The following MACROH2A2 variants were observed in gnomAD, a reference collection of about 807,000 sequenced individuals.
The protein encoded by MACROH2A2 is core histone macro-H2A.2.
A neutral mutation model predicts 37.6 loss-of-function variants in MACROH2A2; 6 were observed. The ratio of observed to expected loss-of-function variants is 0.16; its 90% CI spans 0.09 to 0.32. The LOEUF (loss-of-function observed/expected upper bound fraction) is 0.32, where lower values mean the gene tolerates loss of function less well. Ranked by LOEUF, MACROH2A2 falls within the 10% of genes least tolerant of loss-of-function variation. The pLI, the probability that MACROH2A2 is intolerant of heterozygous loss-of-function variation, is 1.00. For missense variants in MACROH2A2, 290 were observed against 485.9 expected, an observed-to-expected ratio of 0.60 and a Z score of 3.79; for synonymous variants, 192 against 202.7, an observed-to-expected ratio of 0.95 and a Z score of 0.45.
At chr10:70,083,850 G>C (rs567244575) in intron 2 of MACROH2A2, among the ~76,000 whole-genome samples, 2 of 150,558 alleles carry the variant, frequency 1.3e-5, no homozygotes, top group African/African-American at 4.9e-5. Context: ...TCAGTTTCTT[G>C]ATCTGTGGAA....
intron 4 of MACROH2A2, among the ~76,000 whole-genome samples, chr10:70,092,631 A>G (rs2072252336): frequency 6.6e-6 from 1 of 152,178 alleles, no homozygotes; most frequent in Admixed American, 6.5e-5. Context: ...AGAAAATGAC[A>G]AGAATGTACA....
intron 1 of MACROH2A2, among the ~76,000 whole-genome samples, chr10:70,055,953 A>G (rs577670375): frequency 2.0e-5 from 3 of 152,368 alleles, no homozygotes; most frequent in African/African-American, 7.2e-5. Flanking sequence ...GTTCAAAAGA[A>G]TGAAGCAGAT....
At chr10:70,067,956 T>A (rs754219914) in intron 1 of MACROH2A2, among the ~76,000 whole-genome samples, 14 of 152,070 alleles carry the variant, frequency 9.2e-5, no homozygotes, top group African/African-American at 1.7e-4. Flanking sequence ...AAAATGAAAA[T>A]AGATCAAGAA....
At chr10:70,104,038 C>G (rs1257946480) in intron 7 of MACROH2A2, among the ~76,000 whole-genome samples, 1 of 152,150 alleles carries the variant, frequency 6.6e-6, no homozygotes, top group African/African-American at 2.4e-5. Context: ...CAATTTTGAG[C>G]TAAGACATTG....
intron 1 of MACROH2A2, among the ~76,000 whole-genome samples, chr10:70,069,080 G>A (rs573598447): frequency 1.7e-4 from 26 of 152,324 alleles, no homozygotes; most frequent in South Asian, 1.7e-3. Context: ...GTAGTTATTT[G>A]AATAGTCTGG....
At chr10:70,064,035 T>C (rs2072064456) in intron 1 of MACROH2A2, among the ~76,000 whole-genome samples, 1 of 152,210 alleles carries the variant, frequency 6.6e-6, no homozygotes, top group Non-Finnish European at 1.5e-5. Context: ...TGTTTAGCCC[T>C]TAAGCTAACA....
At chr10:70,073,001 AT>A (rs2072119260) in intron 1 of MACROH2A2, among the ~76,000 whole-genome samples, 1 of 152,096 alleles carries the variant, frequency 6.6e-6, no homozygotes, top group Non-Finnish European at 1.5e-5. Context: ...GGGCATAGGA[AT>A]TTTTCAGCTC....
At chr10:70,105,163 T>C (rs2072329540) in intron 7 of MACROH2A2, among the ~76,000 whole-genome samples, 2 of 152,222 alleles carry the variant, frequency 1.3e-5, no homozygotes, top group South Asian at 4.1e-4. Flanking sequence ...CCAGTGACTG[T>C]GGCAGGAGCC....
intron 1 of MACROH2A2, among the ~76,000 whole-genome samples, chr10:70,056,833 AT>A (rs2072020300): frequency 6.6e-6 from 1 of 152,082 alleles, no homozygotes; most frequent in South Asian, 2.1e-4. Context: ...AACCCTCACA[AT>A]TTTTTTCATT....
intron 1 of MACROH2A2, among the ~76,000 whole-genome samples, chr10:70,057,840 A>G (rs1203643916): frequency 2.0e-5 from 3 of 152,210 alleles, no homozygotes; most frequent in Non-Finnish European, 2.9e-5. Flanking sequence ...GTATTAACCC[A>G]TTTAATTCTG....
chr10:70,108,706 C>T (rs2072351898), intron 7 of MACROH2A2, among the ~76,000 whole-genome samples: 1 of 152,202 alleles, frequency 6.6e-6, no homozygotes, highest in Non-Finnish European at 1.5e-5. Flanking sequence ...CTGCCACAGC[C>T]ACCAGAGAGG....
intron 1 of MACROH2A2, among the ~76,000 whole-genome samples, chr10:70,074,400 C>T (rs553452316): frequency 4.6e-5 from 7 of 152,202 alleles, no homozygotes; most frequent in Non-Finnish European, 8.8e-5. Flanking sequence ...TGTTTGCATA[C>T]CACACATATT....
intron 2 of MACROH2A2, among the ~76,000 whole-genome samples, chr10:70,079,563 GCGCACACACACA>G (rs1253057510): frequency 7.9e-5 from 5 of 63,178 alleles, no homozygotes; most frequent in African/African-American, 1.7e-4. Flanking sequence ...GCGCGCGCGC[GCGCACACACACA>G]CACACACACA....
chr10:70,072,478 T>C (rs2072116372), intron 1 of MACROH2A2, among the ~76,000 whole-genome samples: 1 of 152,152 alleles, frequency 6.6e-6, no homozygotes, highest in South Asian at 2.1e-4. Flanking sequence ...TTAAGGCTGG[T>C]TTACAGTTTA....
At chr10:70,072,050 CCTT>C (rs2072114257) in intron 1 of MACROH2A2, among the ~76,000 whole-genome samples, 1 of 152,080 alleles carries the variant, frequency 6.6e-6, no homozygotes, top group Non-Finnish European at 1.5e-5. Flanking sequence ...AATAAATTAA[CCTT>C]AGCTTACTGT....
intron 1 of MACROH2A2, among the ~76,000 whole-genome samples, chr10:70,054,957 G>A (rs2072005294): frequency 6.6e-6 from 1 of 152,112 alleles, no homozygotes; most frequent in Non-Finnish European, 1.5e-5. Flanking sequence ...CATTATTAGT[G>A]GTTTCCTCTA....
At chr10:70,108,868 T>C (rs2072353009) in intron 7 of MACROH2A2, among the ~76,000 whole-genome samples, 165 bp from the exon 8 acceptor site, 2 of 152,188 alleles carry the variant, frequency 1.3e-5, no homozygotes, top group Admixed American at 1.3e-4. Flanking sequence ...ACAGCCCAGC[T>C]CTTGCTCTCG....
intron 6 of MACROH2A2, among the ~76,000 whole-genome samples, chr10:70,097,963 C>T (rs949682577): frequency 1.3e-5 from 2 of 151,996 alleles, no homozygotes; most frequent in Non-Finnish European, 2.9e-5. Flanking sequence ...AAGGGGGGCC[C>T]GAGTACGGTG....
chr10:70,111,532 A>AACAG lies in MACROH2A2; in HGVS notation c.971_974dup (p.Ala326AspfsTer15). On this transcript the variant is annotated frameshift_variant, in exon 9 of 9. Coordinates refer to ENST00000373255, the MANE Select transcript of MACROH2A2 (RefSeq NM_018649.3). LOFTEE classifies it high-confidence loss of function. ...CTTTGGCACAGAAACTGCTTTCCCAAACAGACTGCGGCCCAGGTGACCCTC... is the reference window on the plus strand; with the variant it reads ...CTTTGGCACAGAAACTGCTTTCCCAAACAGACAGACTGCGGCCCAGGTGACCCTC... The AACAG allele has an allele frequency of 6.2e-7, 1 of 1,613,364 alleles. No individual in the cohort carries two copies. The highest frequency in any genetic ancestry group is 8.5e-7 in the Non-Finnish European group (1 of 1,179,728).
Sources: gnomAD v4.1 joint callset for allele counts (sites outside exome capture counted in the v4.1 genomes callset) on GRCh38, gnomAD v4.1.1 for gene constraint, MANE v1.5 for transcripts, NCBI Gene and HGNC (gene_info 2026-07-23, HGNC 2026-07-21) for gene names.